Variants in ST6GALNAC3 observed in about 807,000 individuals in gnomAD.
ST6GALNAC3 encodes alpha-N-acetylgalactosaminide alpha-2,6-sialyltransferase 3.
A neutral mutation model predicts 32.7 loss-of-function variants in ST6GALNAC3; 25 were observed. The observed-to-expected ratio is 0.76, with a 90% CI of 0.56 to 1.07. The LOEUF (loss-of-function observed/expected upper bound fraction) is 1.07, where lower values mean the gene tolerates loss of function less well. Ranked by LOEUF, ST6GALNAC3 falls within the 50% of genes least tolerant of loss-of-function variation. The probability of loss-of-function intolerance (pLI) is 0.00; values close to 1 mark genes in which losing one functional copy is unlikely to be tolerated. For synonymous variants in ST6GALNAC3, 129 were observed against 133.1 expected, an observed-to-expected ratio of 0.97 and a Z score of 0.21; for missense variants, 355 against 382.4, an observed-to-expected ratio of 0.93 and a Z score of 0.60.
At chr1:76,446,716 C>T (rs963711662) in intron 3 of ST6GALNAC3, among the ~76,000 whole-genome samples, 1 of 152,180 alleles carries the variant, frequency 6.6e-6, no homozygotes, top group Non-Finnish European at 1.5e-5. Context: ...AAATAAGTCT[C>T]ATGAGATCTG....
At chr1:76,516,179 G>A (rs956356265) in intron 3 of ST6GALNAC3, among the ~76,000 whole-genome samples, 10 of 152,190 alleles carry the variant, frequency 6.6e-5, no homozygotes, top group African/African-American at 2.4e-4. Flanking sequence ...CAAGCCAGCT[G>A]TTGTGCTGGA....
intron 3 of ST6GALNAC3, among the ~76,000 whole-genome samples, chr1:76,512,587 T>C (rs1661932822): frequency 6.6e-6 from 1 of 152,176 alleles, no homozygotes; most frequent in South Asian, 2.1e-4. Flanking sequence ...CAAAAGCTTC[T>C]CTTCTAGATA....
chr1:76,589,892 C>T (rs1192911598), intron 3 of ST6GALNAC3, among the ~76,000 whole-genome samples: 1 of 151,976 alleles, frequency 6.6e-6, no homozygotes, highest in East Asian at 2.0e-4. Context: ...TAGGGATCAA[C>T]AATCGTCCTT....
chr1:76,441,836 G>A (rs949064283), intron 3 of ST6GALNAC3, among the ~76,000 whole-genome samples: 1 of 152,078 alleles, frequency 6.6e-6, no homozygotes, highest in Non-Finnish European at 1.5e-5. Flanking sequence ...AACATTAGCA[G>A]CAAATCTGGT....
At chr1:76,563,282 G>A (rs2100441897) in intron 3 of ST6GALNAC3, among the ~76,000 whole-genome samples, 1 of 152,276 alleles carries the variant, frequency 6.6e-6, no homozygotes, top group Middle Eastern at 3.4e-3. Context: ...TTGAGCCAGA[G>A]GTGAAATTAA....
chr1:76,624,551 T>G (rs534438872), intron 3 of ST6GALNAC3, among the ~76,000 whole-genome samples: 1 of 152,022 alleles, frequency 6.6e-6, no homozygotes, highest in East Asian at 1.9e-4. Context: ...CTTCCTCTTT[T>G]TCCTGGGGAT....
chr1:76,569,662 G>A (rs750343358), intron 3 of ST6GALNAC3, among the ~76,000 whole-genome samples: 7 of 151,782 alleles, frequency 4.6e-5, no homozygotes, highest in South Asian at 2.1e-4. Flanking sequence ...TTAAGATCTC[G>A]TAGGACAGCA....
At chr1:76,111,307 C>A (rs893093860) in intron 1 of ST6GALNAC3, among the ~76,000 whole-genome samples, 1 of 151,974 alleles carries the variant, frequency 6.6e-6, no homozygotes, top group South Asian at 2.1e-4. Context: ...ATAGCCCCAC[C>A]CAGAAAACTG....
At chr1:76,377,904 G>T (rs927602020) in intron 2 of ST6GALNAC3, among the ~76,000 whole-genome samples, 4 of 152,156 alleles carry the variant, frequency 2.6e-5, no homozygotes, top group Non-Finnish European at 4.4e-5. Flanking sequence ...GGTCGCAGGG[G>T]TTGCAGGTTA....
chr1:76,375,453 A>G (rs530272283), intron 2 of ST6GALNAC3, among the ~76,000 whole-genome samples: 2 of 152,354 alleles, frequency 1.3e-5, no homozygotes, highest in African/African-American at 4.8e-5. Context: ...AGGAAAAGTT[A>G]CAAGCCACCA....
At chr1:76,439,867 G>A (rs528558236) in intron 3 of ST6GALNAC3, among the ~76,000 whole-genome samples, 1 of 152,174 alleles carries the variant, frequency 6.6e-6, no homozygotes, top group African/African-American at 2.4e-5. Flanking sequence ...CTTACCATCA[G>A]TGTCACTTTG....
intron 3 of ST6GALNAC3, among the ~76,000 whole-genome samples, chr1:76,516,889 C>G (rs1401448147): frequency 2.6e-5 from 4 of 151,942 alleles, no homozygotes; most frequent in African/African-American, 9.6e-5. Context: ...ACTGTTTCCT[C>G]CTAGTTATCT....
chr1:76,235,523 A>C (rs1309738277), intron 1 of ST6GALNAC3, among the ~76,000 whole-genome samples: 3 of 151,846 alleles, frequency 2.0e-5, no homozygotes, highest in African/African-American at 7.3e-5. Context: ...AATAAGTAAA[A>C]TAAAATACAA....
At chr1:76,154,232 T>C (rs1651239951) in intron 1 of ST6GALNAC3, among the ~76,000 whole-genome samples, 1 of 152,082 alleles carries the variant, frequency 6.6e-6, no homozygotes, top group Non-Finnish European at 1.5e-5. Context: ...CAACCCAGGC[T>C]GACCCCGTAG....
At chr1:76,161,253 A>G (rs1651785155) in intron 1 of ST6GALNAC3, among the ~76,000 whole-genome samples, 1 of 152,250 alleles carries the variant, frequency 6.6e-6, no homozygotes, top group Non-Finnish European at 1.5e-5. Flanking sequence ...TTGAGTGTAA[A>G]GTGTAAACTA....
chr1:76,265,532 T>C (rs1475843099), intron 1 of ST6GALNAC3, among the ~76,000 whole-genome samples: 1 of 152,158 alleles, frequency 6.6e-6, no homozygotes, highest in Non-Finnish European at 1.5e-5. Context: ...ACCCACCAAA[T>C]GCAACCATAT....
At chr1:76,098,078 T>C (rs768805961) in intron 1 of ST6GALNAC3, among the ~76,000 whole-genome samples, 2 of 152,206 alleles carry the variant, frequency 1.3e-5, no homozygotes, top group Non-Finnish European at 1.5e-5. Flanking sequence ...CATGTATATG[T>C]AGGCAATAAG....
intron 2 of ST6GALNAC3, among the ~76,000 whole-genome samples, chr1:76,368,990 T>A (rs537927517): frequency 5.9e-5 from 9 of 152,316 alleles, no homozygotes; most frequent in African/African-American, 2.2e-4. Flanking sequence ...TTTTTAGAAG[T>A]ACTGCCAGCA....
intron 3 of ST6GALNAC3, among the ~76,000 whole-genome samples, chr1:76,507,929 A>G (rs1441239962): frequency 6.6e-6 from 1 of 152,128 alleles, no homozygotes; most frequent in Non-Finnish European, 1.5e-5. Context: ...CCACATTCTA[A>G]CCAATATTTG....
Sources: allele counts gnomAD v4.1 joint callset (sites outside exome capture counted in the v4.1 genomes callset), GRCh38; gene constraint gnomAD v4.1.1; transcripts MANE v1.5; gene names NCBI Gene and HGNC (gene_info 2026-07-23, HGNC 2026-07-21).